CEACAM5: variants seen among roughly 807,000 people sequenced by gnomAD.
CEACAM5 encodes the protein cell adhesion molecule CEACAM5.
Under a neutral mutation model 63.0 loss-of-function variants are expected in CEACAM5, and 52 were observed. The observed-to-expected ratio is 0.83, with a 90% CI of 0.66 to 1.04. CEACAM5 has a LOEUF of 1.04. Among genes scored for constraint, CEACAM5 ranks in the 50% least tolerant of loss-of-function variants. The probability of loss-of-function intolerance (pLI) is 0.00; values close to 1 mark genes in which losing one functional copy is unlikely to be tolerated. For missense variants in CEACAM5, 790 were observed against 864.8 expected, an observed-to-expected ratio of 0.91 and a Z score of 1.08; for synonymous variants, 357 against 351.3, an observed-to-expected ratio of 1.02 and a Z score of -0.18.
In CEACAM5 at chr19:41,714,919, T is replaced by TG. The variant is rs1320125236; in HGVS notation, c.425-51dup. On this transcript the variant is annotated intron_variant, in intron 2 of 9. Coordinates refer to ENST00000221992, the MANE Select transcript of CEACAM5 (RefSeq NM_004363.6). ...GCCAACTCTGATTGAAAGATGCCTG[T>TG]GAGGAATCAAAGGTGCCACACAGGG... 4 of 1,610,992 alleles carry TG rather than the reference T, an allele frequency of 2.5e-6. No homozygotes were observed. In the East Asian group the frequency reaches 6.7e-5, roughly 27 times the overall value.
At chr19:41,721,887 G>A (rs1432586649) in intron 8 of CEACAM5, among the ~76,000 whole-genome samples, 1 of 152,206 alleles carries the variant, frequency 6.6e-6, no homozygotes, top group Non-Finnish European at 1.5e-5. Context: ...TGAGGCTGTG[G>A]ACACAGCACA....
chr19:41,717,697 G>A lies in CEACAM5; in HGVS notation c.1201G>A (p.Val401Ile), dbSNP rs1268666698. The change falls in exon 5 of 10, where the codon GTT (valine) becomes ATT (isoleucine). Residue 401 changes from valine to isoleucine, a missense_variant. Coordinates refer to ENST00000221992, the MANE Select transcript of CEACAM5 (RefSeq NM_004363.6). The stretch of plus-strand genomic sequence containing the variant: ...GTGTGGAATCCAGAACGAATTAAGT[G>A]TTGACCACAGCGACCCAGTCATCCT... ...YECGIQNELS[V>I]DHSDPVILNV... The A allele has an allele frequency of 1.9e-6, 3 of 1,614,168 alleles. No homozygotes were observed. The highest frequency in any genetic ancestry group is 2.5e-6 in the Non-Finnish European group (3 of 1,180,024).
rs1352032267 is a variant in CEACAM5 at position 41,715,962 on chromosome 19, C to G, written c.958+58C>G. ...TTTGAGGTGGAGTCTGTCTGGTTTT[C>G]AAACAAGAGCCAGGAAGACATTTTC... On this transcript the variant is annotated intron_variant, in intron 4 of 9. Transcript: ENST00000221992. 9.5e-6 allele frequency: 15 copies of G among 1,574,324 alleles called. No individual in the cohort carries two copies. In the East Asian group the frequency reaches 1.6e-4, roughly 17 times the overall value.
chr19:41,718,338 C>A lies in CEACAM5; in HGVS notation c.1448C>A (p.Ala483Asp). 6.2e-7 allele frequency: 1 copy of A among 1,614,094 alleles called. No individual in the cohort carries two copies. Among genetic ancestry groups the A allele is most frequent in the Non-Finnish European group, 8.5e-7 (1 of 1,179,964 alleles). ...GLYTCQANNS[A>D]SGHSRTTVKT... The stretch of plus-strand genomic sequence containing the variant: ...TATACCTGCCAGGCCAATAACTCAG[C>A]CAGTGGCCACAGCAGGACTACAGTC... Residue 483 changes from alanine (A) to aspartate (D), a missense_variant, in exon 6 of 10, where the codon GCC (alanine) becomes GAC (aspartate). Transcript: ENST00000221992.
At chr19:41,722,891 T>TTTG (rs1600475086) in intron 8 of CEACAM5, among the ~76,000 whole-genome samples, 2 of 151,722 alleles carry the variant, frequency 1.3e-5, no homozygotes, top group African/African-American at 4.9e-5. Context: ...TAATTCTTTT[T>TTTG]TTTGTTTGTT....
Position 41,715,905 on chromosome 19 carries a change from G to A in CEACAM5, c.958+1G>A. On this transcript the variant is annotated splice_donor_variant, in intron 4 of 9. Transcript: ENST00000221992. LOFTEE classifies it high-confidence loss of function. ...ACAGTCACGACGATCACAGTCTATG[G>A]TAAGTGGATCCACGAAGCACTGACA... 6.2e-7 allele frequency: 1 copy of A among 1,612,370 alleles called. No individual in the cohort carries two copies. Among genetic ancestry groups the A allele is most frequent in the Non-Finnish European group, 8.5e-7 (1 of 1,178,542 alleles).
At chr19:41,718,419 G>A in intron 6 of CEACAM5, 37 bp downstream of exon 6, 8 of 1,601,994 alleles carry the variant, frequency 5.0e-6, no homozygotes, top group Non-Finnish European at 6.8e-6. Context: ...ATATGTTCTG[G>A]AGCGGAATCT....
Position 41,721,120 on chromosome 19 carries a change from T to A in CEACAM5, c.1970T>A (p.Val657Asp). 6.2e-7 allele frequency: 1 copy of A among 1,614,232 alleles called. No homozygotes were observed. Among genetic ancestry groups the A allele is most frequent in the Non-Finnish European group, 8.5e-7 (1 of 1,180,056 alleles). ...PNNNGTYACFVSNLATGRNNS... is the reference protein window; with the variant it reads ...PNNNGTYACFDSNLATGRNNS... ...AATAACGGGACCTATGCCTGTTTTG[T>A]CTCTAACTTGGCTACTGGCCGCAAT... The change falls in exon 8 of 10, where the codon GTC (valine) becomes GAC (aspartate). Residue 657 changes from valine to aspartate, a missense_variant. Val to Asp is a radical substitution (Grantham distance 152). Transcript: ENST00000221992.
intron 8 of CEACAM5, among the ~76,000 whole-genome samples, chr19:41,723,089 T>A (rs1247481139): frequency 3.3e-5 from 5 of 151,854 alleles, no homozygotes; most frequent in African/African-American, 7.3e-5. Context: ...TTTTTTTTTA[T>A]TTTTAGTAGA....
At chr19:41,724,993 G>A (rs912561501) in intron 8 of CEACAM5, among the ~76,000 whole-genome samples, 30 of 151,864 alleles carry the variant, frequency 2.0e-4, no homozygotes, top group East Asian at 7.7e-4. Flanking sequence ...ATACTGTGTC[G>A]AATAGACGTG....
chr19:41,720,895 C>A lies in CEACAM5; in HGVS notation c.1772-27C>A, dbSNP rs782431349. The A allele has an allele frequency of 1.9e-6, 3 of 1,612,720 alleles. No individual in the cohort carries two copies. The Admixed American group carries it at 5.0e-5, about 27-fold the overall frequency. ...CTTCCCCTTTCCTCTGATGACATCACCTGTGGCTTTGTTCTCTTTGTTCCA... is the reference window on the plus strand; with the variant it reads ...CTTCCCCTTTCCTCTGATGACATCAACTGTGGCTTTGTTCTCTTTGTTCCA... On this transcript the variant is annotated intron_variant, in intron 7 of 9. Transcript: ENST00000221992.
At chr19:41,711,742 C>T (rs1304520507) in intron 2 of CEACAM5, among the ~76,000 whole-genome samples, 2 of 152,136 alleles carry the variant, frequency 1.3e-5, no homozygotes, top group Non-Finnish European at 2.9e-5. Flanking sequence ...CCATGTTCTT[C>T]GTCTTCCTCC....
chr19:41,713,572 C>T (rs1256500026), intron 2 of CEACAM5, among the ~76,000 whole-genome samples: 1 of 152,206 alleles, frequency 6.6e-6, no homozygotes, highest in East Asian at 1.9e-4. Context: ...CCATGAACAA[C>T]TCTCCATTCC....
Position 41,710,011 on chromosome 19 carries a change from A to G in CEACAM5, c.396A>G (p.Glu132=), listed in dbSNP as rs148884404. The part of the protein sequence containing the change: ...LHVIKSDLVN[E]EATGQFRVYP... ...TCATAAAGTCAGATCTTGTGAATGA[A>G]GAAGCAACTGGCCAGTTCCGGGTAT... Residue 132 remains glutamate, a synonymous_variant, in exon 2 of 10, where the codon GAA becomes GAG. Coordinates refer to ENST00000221992, the MANE Select transcript of CEACAM5 (RefSeq NM_004363.6). 1.2e-6 allele frequency: 2 copies of G among 1,609,016 alleles called. No homozygotes were observed. The highest frequency in any genetic ancestry group is 8.5e-7 in the Non-Finnish European group (1 of 1,176,912).
chr19:41,718,471 T>C (rs782389757), intron 6 of CEACAM5, 89 bp downstream of exon 6: 17 of 1,446,064 alleles, frequency 1.2e-5, no homozygotes, highest in Non-Finnish European at 1.5e-5. Context: ...TTTTCTTTCC[T>C]AGTATGCATC....
chr19:41,719,900 A>G, intron 6 of CEACAM5, 30 bp from the exon 7 acceptor site: 1 of 1,612,800 alleles, frequency 6.2e-7, no homozygotes, highest in Non-Finnish European at 8.5e-7. Flanking sequence ...AGTGCCACAC[A>G]GGGCAATCTT....
At chr19:41,721,466 G>A (rs2072620747) in intron 8 of CEACAM5, among the ~76,000 whole-genome samples, 1 of 152,238 alleles carries the variant, frequency 6.6e-6, no homozygotes. Context: ...AAGAAAGAAG[G>A]GTCCTTAAGG....
At position 41,721,196 on chromosome 19, in the gene CEACAM5, A is replaced by T. The variant is rs1555816195; in HGVS notation, c.2026+20A>T. ...TCTCTGGTAAGTGGCTCCCTGGAGC[A>T]TCAGCATCATATTCTGGGGTGGAGT... On this transcript the variant is annotated intron_variant, in intron 8 of 9. Coordinates refer to ENST00000221992, the MANE Select transcript of CEACAM5 (RefSeq NM_004363.6). 1.2e-6 allele frequency: 2 copies of T among 1,613,384 alleles called. No individual in the cohort carries two copies. Among genetic ancestry groups the T allele is most frequent in the Admixed American group, 3.3e-5 (2 of 60,008 alleles).
Position 41,717,708 on chromosome 19 carries a change from C to T in CEACAM5, c.1212C>T (p.Ser404=), listed in dbSNP as rs146949391. The change falls in exon 5 of 10, where the codon AGC becomes AGT. Residue 404 remains serine, a synonymous_variant. Transcript: ENST00000221992. ...GIQNELSVDH[S]DPVILNVLYG... is the part of the protein sequence containing the mutation. ...AGAACGAATTAAGTGTTGACCACAG[C>T]GACCCAGTCATCCTGAATGTCCTCT... 33 of 1,614,036 alleles carry T rather than the reference C, an allele frequency of 2.0e-5. No homozygotes were observed. In the African/African-American group the frequency reaches 3.7e-4, roughly 18 times the overall value.
Sources: allele counts gnomAD v4.1 joint callset (sites outside exome capture counted in the v4.1 genomes callset), GRCh38; gene constraint gnomAD v4.1.1; transcripts MANE v1.5; gene names NCBI Gene and HGNC (gene_info 2026-07-23, HGNC 2026-07-21).